Variants in PEMT observed in about 807,000 individuals in gnomAD.
PEMT encodes the protein phosphatidylethanolamine N-methyltransferase, also known as phospholipid methyltransferase.
In PEMT, 23 loss-of-function variants were observed where a neutral mutation model predicts 27.4. The ratio of observed to expected loss-of-function variants is 0.84; its 90% CI spans 0.60 to 1.19. PEMT has a LOEUF of 1.19. Ranked by LOEUF, PEMT falls within the 50% of genes most tolerant of loss-of-function variation. The pLI is 0.00. For missense variants in PEMT, 307 were observed against 310.1 expected (o/e 0.99, Z 0.07); for synonymous variants, 137 against 139.1 (o/e 0.98, Z 0.11).
Position 17,561,497 on chromosome 17 carries a change from G to A in PEMT, c.204+15423C>T, listed in dbSNP as rs1010888675. On this transcript the variant is annotated intron_variant, in intron 2 of 6. Transcript: ENST00000255389. The surrounding 1 kb of genome is among the most constrained non-coding windows in gnomAD (Gnocchi z 4.5). ...GATGCCCTGGGGTGGCTGCCCGAGG[G>A]GGAAGCGGACGGTAAGGCTGGAGGT... Among the ~76,000 whole-genome samples, 2 of 152,210 alleles carry A rather than the reference G, an allele frequency of 1.3e-5. No homozygotes were observed. Among genetic ancestry groups the A allele is most frequent in the African/African-American group, 2.4e-5 (1 of 41,454 alleles).
chr17:17,508,919 G>A (rs1405064858), intron 5 of PEMT: 1 of 332,830 alleles, frequency 3.0e-6, no homozygotes, highest in Non-Finnish European at 6.1e-6. Context: ...CTCCTGCGGG[G>A]AAGATGGGTC....
At chr17:17,560,072 C>G (rs1368241091) in intron 2 of PEMT, among the ~76,000 whole-genome samples, 1 of 152,240 alleles carries the variant, frequency 6.6e-6, no homozygotes, top group Non-Finnish European at 1.5e-5. Flanking sequence ...CCAGAAAGAT[C>G]CCCGGTGACC....
intron 2 of PEMT, among the ~76,000 whole-genome samples, chr17:17,526,818 T>C (rs1387559482): frequency 6.6e-6 from 1 of 152,244 alleles, no homozygotes; most frequent in African/African-American, 2.4e-5. Flanking sequence ...GATCAACAAT[T>C]AAACACTCAG....
chr17:17,582,560 G>A lies in PEMT; in HGVS notation c.97-5533C>T, dbSNP rs1912035025. Reference sequence around the variant, plus strand: ...ACAAAGGGCAGGGGAATGGGTGGGGGCTGCTGGAGAGGGGACAGGTCCTCC... The same window carrying A: ...ACAAAGGGCAGGGGAATGGGTGGGGACTGCTGGAGAGGGGACAGGTCCTCC... On this transcript the variant is annotated intron_variant, in intron 1 of 6. Transcript: ENST00000255389. The surrounding 1 kb of genome is among the most constrained non-coding windows in gnomAD (Gnocchi z 4.9). The A allele has an allele frequency of 3.1e-6, 1 of 324,104 alleles. No homozygotes were observed. Among genetic ancestry groups the A allele is most frequent in the African/African-American group, 2.2e-5 (1 of 44,692 alleles). The allele number at this position is 324,104 out of a possible 1,614,324, so 20.1% of individuals were successfully genotyped here.
chr17:17,540,114 G>A (rs1270892163), intron 2 of PEMT, among the ~76,000 whole-genome samples: 2 of 152,226 alleles, frequency 1.3e-5, no homozygotes. Context: ...GGGCCAAAAT[G>A]GGCAGCAGCC....
intron 4 of PEMT, among the ~76,000 whole-genome samples, chr17:17,511,953 T>G (rs2142511456): frequency 6.6e-6 from 1 of 152,160 alleles, no homozygotes; most frequent in Middle Eastern, 3.4e-3. Flanking sequence ...TGAAAGCACC[T>G]CAGCCACAGG....
intron 1 of PEMT, among the ~76,000 whole-genome samples, chr17:17,577,668 G>GAA (rs4646345): frequency 1.2e-4 from 14 of 118,748 alleles, no homozygotes; most frequent in African/African-American, 1.8e-4. Context: ...AAGAAATGAA[G>GAA]AAAAAAAAAA....
intron 2 of PEMT, among the ~76,000 whole-genome samples, chr17:17,574,716 T>C (rs889822510): frequency 1.3e-5 from 2 of 152,126 alleles, no homozygotes; most frequent in Non-Finnish European, 2.9e-5. Context: ...GCTAGGCTAG[T>C]GGGAAGTGAC....
upstream of PEMT, chr17:17,591,882 C>T: frequency 1.0e-6 from 1 of 985,500 alleles, no homozygotes; most frequent in East Asian, 1.1e-4. Flanking sequence ...GGTTCCGCTG[C>T]AGCTACGTAG....
At chr17:17,531,621 C>T (rs902185827) in intron 2 of PEMT, among the ~76,000 whole-genome samples, 1 of 62,382 alleles carries the variant, frequency 1.6e-5, no homozygotes, top group Non-Finnish European at 2.9e-5. Context: ...CTATCATATG[C>T]AAAAAAAAAA....
At chr17:17,553,280 C>T (rs938298797) in intron 2 of PEMT, among the ~76,000 whole-genome samples, 1 of 152,210 alleles carries the variant, frequency 6.6e-6, no homozygotes, top group Non-Finnish European at 1.5e-5. Flanking sequence ...GGAAGGCGTC[C>T]CACCTCACCG....
intron 2 of PEMT, among the ~76,000 whole-genome samples, chr17:17,540,506 CAAGGA>C (rs1296303466): frequency 6.6e-6 from 1 of 152,168 alleles, no homozygotes; most frequent in Non-Finnish European, 1.5e-5. Context: ...AGCCACTGTG[CAAGGA>C]GAGGAGCCAG....
intron 6 of PEMT, 128 bp from the exon 7 acceptor site, chr17:17,505,976 C>G (rs960836969): frequency 7.3e-7 from 1 of 1,364,330 alleles, no homozygotes; most frequent in African/African-American, 1.5e-5. Context: ...TCCCCCAGAG[C>G]CACTGGGGCA....
chr17:17,525,185 T>A (rs1405395078), intron 2 of PEMT, among the ~76,000 whole-genome samples: 2 of 151,740 alleles, frequency 1.3e-5, no homozygotes, highest in African/African-American at 4.8e-5. Context: ...ACAGCCCCCC[T>A]CCCCCAACAG....
chr17:17,507,163 A>G, intron 5 of PEMT: 6 of 1,560,482 alleles, frequency 3.8e-6, no homozygotes, highest in South Asian at 1.2e-5. Flanking sequence ...CTATTTCTAT[A>G]GTTACCTCTG....
chr17:17,553,081 C>T (rs1006442724), intron 2 of PEMT, among the ~76,000 whole-genome samples: 9 of 152,186 alleles, frequency 5.9e-5, no homozygotes, highest in African/African-American at 1.9e-4. Flanking sequence ...GGTGCCTGGC[C>T]GGCTGGGGGA....
intron 2 of PEMT, among the ~76,000 whole-genome samples, chr17:17,544,018 G>A (rs566408745): frequency 1.0e-3 from 158 of 152,294 alleles, no homozygotes; most frequent in African/African-American, 3.6e-3. Flanking sequence ...CTTGCTAGAC[G>A]TCTTAATGCC....
rs1597936121 is a variant in PEMT at position 17,561,244 on chromosome 17, G to A, written c.204+15676C>T. Among the ~76,000 whole-genome samples, 3 of 152,298 alleles carry A rather than the reference G, an allele frequency of 2.0e-5. No individual in the cohort carries two copies. The highest frequency in any genetic ancestry group is 6.5e-5 in the Admixed American group (1 of 15,306). On this transcript the variant is annotated intron_variant, in intron 2 of 6. Coordinates refer to ENST00000255389, the MANE Select transcript of PEMT (RefSeq NM_148172.3). This position sits in a 1 kb window ranked among gnomAD's most constrained non-coding sequence, Gnocchi z 4.5. ...TGGCTCCCTGTGCTGCACACGGAGTGTGTCACATCCTCACACGACCCAGGA... is the reference window on the plus strand; with the variant it reads ...TGGCTCCCTGTGCTGCACACGGAGTATGTCACATCCTCACACGACCCAGGA...
At chr17:17,544,366 C>T (rs1234626537) in intron 2 of PEMT, among the ~76,000 whole-genome samples, 2 of 150,418 alleles carry the variant, frequency 1.3e-5, no homozygotes, top group Non-Finnish European at 3.0e-5. Context: ...CTGCAACCTC[C>T]ACCTCCCGGG....
Sources: allele counts gnomAD v4.1 joint callset (sites outside exome capture counted in the v4.1 genomes callset), GRCh38; gene constraint gnomAD v4.1.1; non-coding constraint Gnocchi (gnomAD v3.1); transcripts MANE v1.5; gene names NCBI Gene and HGNC (gene_info 2026-07-23, HGNC 2026-07-21).